GLIPR1L1: variants seen among roughly 807,000 people sequenced by gnomAD.
GLIPR1L1 encodes the protein GLIPR1 like 1, also known as GLIPR1-like protein 1.
Under a neutral mutation model 29.9 loss-of-function variants are expected in GLIPR1L1, and 26 were observed. That is an observed-to-expected ratio of 0.87 (90% CI 0.64 to 1.21). The LOEUF is 1.21. GLIPR1L1 is among the 50% of genes most tolerant of loss of function. The probability of loss-of-function intolerance (pLI) is 0.00; values close to 1 mark genes in which losing one functional copy is unlikely to be tolerated. For missense variants in GLIPR1L1, 305 were observed against 290.3 expected (o/e 1.05, Z -0.37); for synonymous variants, 77 against 97.5 (o/e 0.79, Z 1.24).
intron 3 of GLIPR1L1, among the ~76,000 whole-genome samples, chr12:75,352,842 C>T (rs980314421): frequency 6.6e-6 from 1 of 152,116 alleles, no homozygotes; most frequent in Non-Finnish European, 1.5e-5. Context: ...TATTAAGAAA[C>T]ACTCAAAACC....
At position 75,336,191 on chromosome 12, in the gene GLIPR1L1, A is replaced by T. The variant is rs546842940; in HGVS notation, c.174+1289A>T. Among the ~76,000 whole-genome samples the T allele has an allele frequency of 7.6e-4, 115 of 152,072 alleles. 1 individual carries two copies. The highest frequency in any genetic ancestry group is 2.6e-3 in the African/African-American group (108 of 41,574). On this transcript the variant is annotated intron_variant, in intron 1 of 5. Transcript: ENST00000378695. ...AAGAATGCATATTTTAATATCTAGG[A>T]TAACCATTAAAAATATACAAAGAAG... is the stretch of plus-strand genomic sequence containing the variant.
intron 4 of GLIPR1L1, among the ~76,000 whole-genome samples, chr12:75,366,309 G>C (rs2043957334): frequency 6.6e-6 from 1 of 152,122 alleles, no homozygotes; most frequent in African/African-American, 2.4e-5. Flanking sequence ...CAGAAAGGAA[G>C]AAGATTGGAT....
intron 1 of GLIPR1L1, among the ~76,000 whole-genome samples, chr12:75,339,254 T>G (rs531361452): frequency 2.0e-5 from 3 of 152,162 alleles, no homozygotes; most frequent in Non-Finnish European, 2.9e-5. Context: ...CCCGCAACAC[T>G]GCCAGCACCT....
chr12:75,340,067 C>A (rs1244501741), intron 1 of GLIPR1L1, among the ~76,000 whole-genome samples: 1 of 151,880 alleles, frequency 6.6e-6, no homozygotes, highest in African/African-American at 2.4e-5. Flanking sequence ...CAGGTTGCTG[C>A]AAATGCCATT....
In GLIPR1L1 at chr12:75,366,856, T is replaced by C. The variant is rs1038949939; in HGVS notation, c.611-3104T>C. ...AACAGCTCTATATGCATTTCTTGAA[T>C]GAGTCTTTTAAAACTAATTTTGTTG... On this transcript the variant is annotated intron_variant, in intron 4 of 5. Coordinates refer to ENST00000378695, the MANE Select transcript of GLIPR1L1 (RefSeq NM_001304964.2). The C allele has an allele frequency of 2.9e-5, 20 of 700,908 alleles. 1 individual carries two copies. Among genetic ancestry groups the C allele is most frequent in the Middle Eastern group, 2.5e-4 (1 of 4,050 alleles). The allele number at this position is 700,908 out of a possible 1,614,324, so 43.4% of individuals were successfully genotyped here.
At chr12:75,365,594 G>T (rs1401995147) in intron 4 of GLIPR1L1, among the ~76,000 whole-genome samples, 6 of 152,170 alleles carry the variant, frequency 3.9e-5, no homozygotes, top group African/African-American at 1.2e-4. Context: ...ATGTTGCCCA[G>T]AGAGTTAATG....
intron 3 of GLIPR1L1, among the ~76,000 whole-genome samples, chr12:75,359,240 A>G (rs562641570): frequency 6.6e-6 from 1 of 151,564 alleles, no homozygotes; most frequent in East Asian, 1.9e-4. Flanking sequence ...TAGATCTGGC[A>G]AAAGAAAGAG....
intron 1 of GLIPR1L1, among the ~76,000 whole-genome samples, chr12:75,336,628 A>C (rs2041756109): frequency 6.6e-6 from 1 of 151,814 alleles, no homozygotes; most frequent in African/African-American, 2.4e-5. Flanking sequence ...AATACAAATA[A>C]ATGTAATAAT....
At chr12:75,355,325 A>C (rs2043082631) in intron 3 of GLIPR1L1, among the ~76,000 whole-genome samples, 1 of 152,228 alleles carries the variant, frequency 6.6e-6, no homozygotes, top group Non-Finnish European at 1.5e-5. Context: ...ATGAACAGAC[A>C]CTTCTCAAAA....
At chr12:75,353,049 A>T (rs1206665325) in intron 3 of GLIPR1L1, among the ~76,000 whole-genome samples, 1 of 152,196 alleles carries the variant, frequency 6.6e-6, no homozygotes, top group Non-Finnish European at 1.5e-5. Flanking sequence ...AGCTAGAAAG[A>T]TCCCAAATTG....
chr12:75,352,055 G>T (rs183747820), intron 3 of GLIPR1L1, among the ~76,000 whole-genome samples: 8 of 152,114 alleles, frequency 5.3e-5, no homozygotes, highest in African/African-American at 9.7e-5. Flanking sequence ...CAAAAAACAT[G>T]CTGAAGTACA....
At position 75,341,458 on chromosome 12, in the gene GLIPR1L1, T is replaced by C. The variant is rs551445313; in HGVS notation, c.175-2235T>C. Among the ~76,000 whole-genome samples, 88 of 152,210 alleles carry C rather than the reference T, an allele frequency of 5.8e-4. 4 individuals are homozygous for C. The South Asian group carries it at 0.018, about 31-fold the overall frequency. ...AACATTCTTTTTTTCTTTTTCTTTT[T>C]TTCTTTGAAACGGAGTCTCGCTGTG... On this transcript the variant is annotated intron_variant, in intron 1 of 5. Coordinates refer to ENST00000378695, the MANE Select transcript of GLIPR1L1 (RefSeq NM_001304964.2).
At chr12:75,356,293 C>G (rs1370010256) in intron 3 of GLIPR1L1, among the ~76,000 whole-genome samples, 1 of 151,946 alleles carries the variant, frequency 6.6e-6, no homozygotes, top group Non-Finnish European at 1.5e-5. Context: ...TAAAAATAAA[C>G]ATTAAATATG....
intron 4 of GLIPR1L1, among the ~76,000 whole-genome samples, chr12:75,365,550 T>A (rs913278332): frequency 1.3e-5 from 2 of 152,116 alleles, no homozygotes; most frequent in Non-Finnish European, 2.9e-5. Context: ...AATACATTTT[T>A]AAAAAAATGT....
chr12:75,343,193 T>C (rs1422167944), intron 1 of GLIPR1L1, among the ~76,000 whole-genome samples: 1 of 152,068 alleles, frequency 6.6e-6, no homozygotes, highest in East Asian at 1.9e-4. Context: ...CAAGGGCAGA[T>C]ATCTTGTTTC....
intron 4 of GLIPR1L1, chr12:75,365,214 G>A (rs1241024215): frequency 6.6e-6 from 1 of 152,128 alleles, no homozygotes; most frequent in Non-Finnish European, 1.5e-5. Context: ...AACATCTGTA[G>A]GTTTTGTCAA....
intron 3 of GLIPR1L1, among the ~76,000 whole-genome samples, chr12:75,351,548 TTG>T (rs201550709): frequency 0.036 from 5,223 of 145,898 alleles, 92 homozygotes; most frequent in East Asian, 0.048. Context: ...CTGTTTTGTT[TTG>T]TTTTTTTTTT....
In GLIPR1L1 at chr12:75,347,602, G is replaced by T; in HGVS notation, c.421-20G>T. 6.6e-7 allele frequency: 1 copy of T among 1,505,682 alleles called. No homozygotes were observed. Among genetic ancestry groups the T allele is most frequent in the South Asian group, 1.1e-5 (1 of 88,236 alleles). The allele number at this position is 1,505,682 out of a possible 1,614,324, so 93.3% of individuals were successfully genotyped here. On this transcript the variant is annotated intron_variant, in intron 2 of 5. Transcript: ENST00000378695. ...AGAATTGTTTTCCATATTTTATCTTGACATTCCTTTTCTTTATAGTTAGTT... is the reference window on the plus strand; with the variant it reads ...AGAATTGTTTTCCATATTTTATCTTTACATTCCTTTTCTTTATAGTTAGTT...
At chr12:75,359,831 T>C (rs904188506) in intron 3 of GLIPR1L1, 1 of 152,146 alleles carries the variant, frequency 6.6e-6, no homozygotes, top group African/African-American at 2.4e-5. Context: ...AAATGGATCG[T>C]TGATGTATTT....
Sources: gnomAD v4.1 joint callset for allele counts (sites outside exome capture counted in the v4.1 genomes callset) on GRCh38, gnomAD v4.1.1 for gene constraint, MANE v1.5 for transcripts, NCBI Gene and HGNC (gene_info 2026-07-23, HGNC 2026-07-21) for gene names.